GALNT6: variants seen among roughly 807,000 people sequenced by gnomAD.
GALNT6 encodes GalNAc transferase 6.
In GALNT6, 51 loss-of-function variants were observed where a neutral mutation model predicts 65.9. That is an observed-to-expected ratio of 0.77 (90% confidence interval 0.62 to 0.98). The LOEUF is 0.98. Among genes scored for constraint, GALNT6 ranks in the 50% least tolerant of loss-of-function variants. The probability of loss-of-function intolerance (pLI) is 0.00; values close to 1 mark genes in which losing one functional copy is unlikely to be tolerated. For missense variants in GALNT6, 708 were observed against 803.3 expected, an observed-to-expected ratio of 0.88 and a Z score of 1.43; for synonymous variants, 323 against 315.1, an observed-to-expected ratio of 1.02 and a Z score of -0.26.
At position 51,382,447 on chromosome 12, in the gene GALNT6, G is replaced by A. The variant is rs112862854; in HGVS notation, c.-103-2563C>T. On this transcript the variant is annotated intron_variant, in intron 2 of 11. Transcript: ENST00000356317. Reference sequence around the variant, plus strand: ...AGAAATGGGCCGAACACTAACTGGCGAGTAGGAGTCAGCGAGGCGAGGTGA... The same window carrying A: ...AGAAATGGGCCGAACACTAACTGGCAAGTAGGAGTCAGCGAGGCGAGGTGA... The A allele has an allele frequency of 4.1e-3, 631 of 153,170 alleles. 4 individuals carry two copies. The highest frequency in any genetic ancestry group is 0.02 in the Middle Eastern group (6 of 294). The allele number at this position is 153,170 out of a possible 1,614,324, so 9.5% of individuals were successfully genotyped here. A position where few individuals can be genotyped will look rare whatever the true frequency, so the allele number is the denominator to read the frequency against.
Position 51,354,510 on chromosome 12 carries a change from A to G in GALNT6, c.1756-18T>C. The G allele has an allele frequency of 6.6e-7, 1 of 1,520,134 alleles. No individual in the cohort carries two copies. The highest frequency in any genetic ancestry group is 9.1e-7 in the Non-Finnish European group (1 of 1,103,970). 94.2% of individuals were successfully genotyped at this position (1,520,134 alleles called of 1,614,324 possible). The stretch of plus-strand genomic sequence containing the variant: ...AGCTGATCCTAAAAGATGACAAAGC[A>G]AAAGGTCAGTCTGGGCCACAGACCT... On this transcript the variant is annotated intron_variant, in intron 11 of 11. Coordinates refer to ENST00000356317, the MANE Select transcript of GALNT6 (RefSeq NM_007210.4).
At chr12:51,354,788 C>G (rs972613019) in intron 11 of GALNT6, among the ~76,000 whole-genome samples, 1 of 152,138 alleles carries the variant, frequency 6.6e-6, no homozygotes, top group African/African-American at 2.4e-5. Flanking sequence ...GATGGCCAGG[C>G]TCAAAGACCC....
chr12:51,359,477 T>TACCG (rs1291214891), intron 7 of GALNT6, 145 bp from the exon 8 acceptor site: 3 of 578,888 alleles, frequency 5.2e-6, no homozygotes, highest in Non-Finnish European at 6.1e-6. Context: ...GGAAAAAGGA[T>TACCG]ACCGACCAGG....
chr12:51,366,294 C>G (rs1947103872), intron 4 of GALNT6, among the ~76,000 whole-genome samples: 2 of 152,198 alleles, frequency 1.3e-5, no homozygotes, highest in Admixed American at 1.3e-4. Flanking sequence ...TCTTCCAGAG[C>G]TGCAATTCCA....
chr12:51,362,265 C>T (rs1244011795), intron 6 of GALNT6, among the ~76,000 whole-genome samples: 1 of 152,168 alleles, frequency 6.6e-6, no homozygotes, highest in African/African-American at 2.4e-5. Context: ...TGAGGACAAA[C>T]CCTGCATGGG....
chr12:51,355,958 A>G lies in GALNT6; in HGVS notation c.1603T>C (p.Tyr535His). 6.2e-7 allele frequency: 1 copy of G among 1,612,358 alleles called. No homozygotes were observed. The highest frequency in any genetic ancestry group is 8.5e-7 in the Non-Finnish European group (1 of 1,178,884). Residue 535 changes from tyrosine to histidine, a missense_variant and splice_region_variant, in exon 11 of 12, where the codon TAC becomes CAC. Coordinates refer to ENST00000356317, the MANE Select transcript of GALNT6 (RefSeq NM_007210.4). ...YSCHGLGGNQYFEYTTQRDLR... is the reference protein window; with the variant it reads ...YSCHGLGGNQHFEYTTQRDLR... ...TCCCTCTGAGTTGTGTACTCAAAGT[A>G]CTGGAAATCAAGACAAGAGAAGCAG...
chr12:51,390,446 G>C (rs1483160455), intron 2 of GALNT6, among the ~76,000 whole-genome samples: 1 of 152,202 alleles, frequency 6.6e-6, no homozygotes, highest in African/African-American at 2.4e-5. Flanking sequence ...TTACAGGCAT[G>C]AGCCACCACA....
chr12:51,360,680 T>G (rs201533865), intron 7 of GALNT6, 41 bp downstream of exon 7: 1 of 1,144,368 alleles, frequency 8.7e-7, no homozygotes, highest in Admixed American at 1.7e-5. Context: ...AGCTGTCGCC[T>G]GGGATGTTGT....
intron 4 of GALNT6, 116 bp from the exon 5 acceptor site, chr12:51,365,695 A>C: frequency 2.0e-6 from 2 of 1,011,866 alleles, no homozygotes; most frequent in Non-Finnish European, 1.5e-6. Flanking sequence ...TAAACCCCCA[A>C]CACCTGCTGT....
intron 10 of GALNT6, among the ~76,000 whole-genome samples, 160 bp downstream of exon 10, chr12:51,357,188 AT>A (rs1565710994): frequency 6.6e-6 from 1 of 152,066 alleles, no homozygotes; most frequent in East Asian, 1.9e-4. Context: ...GATGTCCCTT[AT>A]TCAGACCTTG....
chr12:51,367,376 A>G (rs1002685064), intron 4 of GALNT6, among the ~76,000 whole-genome samples: 2 of 152,338 alleles, frequency 1.3e-5, no homozygotes, highest in African/African-American at 4.8e-5. Flanking sequence ...TGGAGGTTGC[A>G]GTGAGCTGAG....
intron 4 of GALNT6, among the ~76,000 whole-genome samples, chr12:51,367,055 G>A (rs889399720): frequency 2.6e-5 from 4 of 152,144 alleles, no homozygotes; most frequent in African/African-American, 9.7e-5. Flanking sequence ...CCTGAGGTTG[G>A]GAGTTCGAGA....
At chr12:51,365,823 G>A (rs1947082951) in intron 4 of GALNT6, among the ~76,000 whole-genome samples, 1 of 152,208 alleles carries the variant, frequency 6.6e-6, no homozygotes, top group South Asian at 2.1e-4. Flanking sequence ...TGGCTCTGTG[G>A]TGCTAGATCC....
intron 6 of GALNT6, among the ~76,000 whole-genome samples, chr12:51,363,177 GACA>G: frequency 6.6e-6 from 1 of 152,310 alleles, no homozygotes; most frequent in East Asian, 1.9e-4. Context: ...AGATAACAAT[GACA>G]CAAATAATCC....
chr12:51,386,641 A>G (rs1947850433), intron 2 of GALNT6, among the ~76,000 whole-genome samples: 1 of 152,170 alleles, frequency 6.6e-6, no homozygotes, highest in Non-Finnish European at 1.5e-5. Context: ...GGGCTCAATT[A>G]CAAGTTTCTT....
At chr12:51,385,842 T>C (rs992620811) in intron 2 of GALNT6, among the ~76,000 whole-genome samples, 1 of 152,106 alleles carries the variant, frequency 6.6e-6, no homozygotes, top group East Asian at 1.9e-4. Flanking sequence ...AAACTTTTTT[T>C]TTTTCTCTTG....
chr12:51,368,581 T>A (rs1205300533), intron 4 of GALNT6, among the ~76,000 whole-genome samples: 1 of 152,046 alleles, frequency 6.6e-6, no homozygotes, highest in East Asian at 1.9e-4. Context: ...ATTTTTTGTA[T>A]TTTTTGTGAA....
intron 4 of GALNT6, among the ~76,000 whole-genome samples, chr12:51,375,651 G>A (rs950313778): frequency 8.6e-5 from 13 of 151,186 alleles, no homozygotes; most frequent in African/African-American, 2.4e-5. Context: ...TCCGCCTCCT[G>A]GGTTCAAGCG....
intron 6 of GALNT6, among the ~76,000 whole-genome samples, chr12:51,362,116 C>G (rs1226105568): frequency 1.3e-5 from 2 of 152,092 alleles, no homozygotes; most frequent in African/African-American, 4.8e-5. Context: ...TAAACCGGCA[C>G]AAGTAGCACC....
Sources: gnomAD v4.1 joint callset for allele counts (sites outside exome capture counted in the v4.1 genomes callset) on GRCh38, gnomAD v4.1.1 for gene constraint, MANE v1.5 for transcripts, NCBI Gene and HGNC (gene_info 2026-07-23, HGNC 2026-07-21) for gene names.